Variants in TRDN observed in about 807,000 individuals in gnomAD.
TRDN encodes triadin, also known as triadin in skeletal muscle.
A neutral mutation model predicts 149.7 loss-of-function variants in TRDN; 161 were observed. The observed-to-expected ratio is 1.08, with a 90% CI of 0.95 to 1.23. The LOEUF is 1.23. TRDN is among the 50% of genes most tolerant of loss of function. The probability of loss-of-function intolerance (pLI) is 0.00; values close to 1 mark genes in which losing one functional copy is unlikely to be tolerated. For synonymous variants in TRDN, 294 were observed against 250.5 expected (o/e 1.17, Z -1.64); for missense variants, 896 against 823.5 (o/e 1.09, Z -1.08).
chr6:123,472,389 C>G (rs1251554305), intron 9 of TRDN, among the ~76,000 whole-genome samples: 2 of 152,194 alleles, frequency 1.3e-5, no homozygotes, highest in African/African-American at 4.8e-5. Flanking sequence ...TAAAAAACGG[C>G]GCACCACAAG....
At chr6:123,233,590 G>A (rs1775688133) in intron 38 of TRDN, among the ~76,000 whole-genome samples, 1 of 152,038 alleles carries the variant, frequency 6.6e-6, no homozygotes. Flanking sequence ...ATAATGAACA[G>A]TGACAAACGT....
At chr6:123,475,813 G>A (rs559739161) in intron 9 of TRDN, among the ~76,000 whole-genome samples, 8 of 151,666 alleles carry the variant, frequency 5.3e-5, no homozygotes, top group South Asian at 4.2e-4. Flanking sequence ...AAAACCACAT[G>A]ATTATCTCAA....
intron 1 of TRDN, among the ~76,000 whole-genome samples, chr6:123,599,979 T>C (rs150062037): frequency 3.8e-4 from 58 of 152,038 alleles, no homozygotes; most frequent in Non-Finnish European, 8.2e-4. Context: ...AATTGCCTGT[T>C]TATGTTTCCA....
chr6:123,592,425 C>CA lies in TRDN; in HGVS notation c.23-21294_23-21293insT, dbSNP rs199876306. 1.3e-3 allele frequency among the ~76,000 whole-genome samples: 202 copies of CA among 152,134 alleles called. 2 individuals carry two copies. The highest frequency in any genetic ancestry group is 4.6e-3 in the African/African-American group (192 of 41,512). ...TAAGAACCAATTTGATATTTACTGT[C>CA]GGGGGACTCAACCTTGTATTACTGC... is the stretch of plus-strand genomic sequence containing the variant. On this transcript the variant is annotated intron_variant, in intron 1 of 40. Coordinates refer to ENST00000334268, the MANE Select transcript of TRDN (RefSeq NM_006073.4).
chr6:123,410,139 C>T (rs914863024), intron 12 of TRDN, among the ~76,000 whole-genome samples: 23 of 152,038 alleles, frequency 1.5e-4, no homozygotes, highest in African/African-American at 3.9e-4. Flanking sequence ...TCAGACATGC[C>T]GTCAGTGAAA....
At chr6:123,219,368 G>A (rs1025550000) in intron 40 of TRDN, among the ~76,000 whole-genome samples, 1 of 151,810 alleles carries the variant, frequency 6.6e-6, no homozygotes, top group Admixed American at 6.6e-5. Context: ...CTCCCAGGTA[G>A]CAGCTTTGGT....
intron 1 of TRDN, among the ~76,000 whole-genome samples, chr6:123,587,129 G>A (rs1783535712): frequency 1.3e-5 from 2 of 151,984 alleles, no homozygotes; most frequent in South Asian, 4.1e-4. Flanking sequence ...AGGGGTTGGG[G>A]TACTTGCCCC....
intron 13 of TRDN, among the ~76,000 whole-genome samples, chr6:123,389,840 T>C (rs1398512098): frequency 6.6e-6 from 1 of 152,116 alleles, no homozygotes; most frequent in Non-Finnish European, 1.5e-5. Context: ...TCCAATGATA[T>C]AATAAGGATA....
At position 123,223,727 on chromosome 6, in the gene TRDN, T is replaced by TCCTC. The variant is rs1474030457; in HGVS notation, c.2014+365_2014+366insGAGG. 8.2e-5 allele frequency among the ~76,000 whole-genome samples: 12 copies of TCCTC among 147,052 alleles called. No homozygotes were observed. In the East Asian group the frequency reaches 2.0e-3, roughly 24 times the overall value. ...TTCCTTCCTTCCTTCCTTCCTTCCTTCCTTCCTGATGGTGCTGCTAATATA... is the reference window on the plus strand; with the variant it reads ...TTCCTTCCTTCCTTCCTTCCTTCCTTCCTCCCTTCCTGATGGTGCTGCTAATATA... On this transcript the variant is annotated intron_variant, in intron 39 of 40. Transcript: ENST00000334268.
intron 12 of TRDN, among the ~76,000 whole-genome samples, chr6:123,402,933 CTTTTAACACA>C (rs1773041908): frequency 6.6e-6 from 1 of 152,092 alleles, no homozygotes; most frequent in African/African-American, 2.4e-5. Context: ...TTAACTAAAG[CTTTTAACACA>C]TTTTAAGTTT....
chr6:123,606,334 T>A lies in TRDN; in HGVS notation c.22+30420A>T, dbSNP rs189492482. ...AAGTGCATAAATACATCTGACCAAA[T>A]ATAGACTTCTATTGAACAAGCATGG... On this transcript the variant is annotated intron_variant, in intron 1 of 40. Coordinates refer to ENST00000334268, the MANE Select transcript of TRDN (RefSeq NM_006073.4). 2.3e-3 allele frequency among the ~76,000 whole-genome samples: 353 copies of A among 152,188 alleles called. 2 individuals carry two copies. Among genetic ancestry groups the A allele is most frequent in the African/African-American group, 8.1e-3 (335 of 41,572 alleles).
chr6:123,566,882 G>A (rs976970343), intron 2 of TRDN, among the ~76,000 whole-genome samples: 2 of 152,068 alleles, frequency 1.3e-5, no homozygotes, highest in East Asian at 3.9e-4. Flanking sequence ...TCAAATATTT[G>A]TAAAGTTAAC....
At chr6:123,461,406 C>T (rs1776441088) in intron 10 of TRDN, among the ~76,000 whole-genome samples, 1 of 152,214 alleles carries the variant, frequency 6.6e-6, no homozygotes, top group East Asian at 1.9e-4. Context: ...TTTCTCTATT[C>T]GACTTCATTC....
chr6:123,553,992 A>G (rs539845283), intron 2 of TRDN, among the ~76,000 whole-genome samples: 1 of 152,300 alleles, frequency 6.6e-6, no homozygotes, highest in East Asian at 1.9e-4. Context: ...CAAACATACA[A>G]TGCTCCATAA....
intron 18 of TRDN, 150 bp from the exon 19 acceptor site, chr6:123,375,781 T>C (rs1358287740): frequency 1.2e-5 from 7 of 564,472 alleles, no homozygotes; most frequent in Middle Eastern, 4.8e-4. Context: ...AAGGAAAATA[T>C]AATACTGTGC....
At position 123,445,483 on chromosome 6, in the gene TRDN, T is replaced by C. The variant is rs932215834; in HGVS notation, c.932-6480A>G. 1.0e-4 allele frequency among the ~76,000 whole-genome samples: 12 copies of C among 118,026 alleles called. No homozygotes were observed. In the South Asian group the frequency reaches 2.2e-3, roughly 22 times the overall value. The allele number at this position is 118,026 out of a possible 152,430, so 77.4% of individuals were successfully genotyped here. A position where few individuals can be genotyped will look rare whatever the true frequency, so the allele number is the denominator to read the frequency against. On this transcript the variant is annotated intron_variant, in intron 10 of 40. Transcript: ENST00000334268. ...ATGGGAGAAAATTTTCGCAACCTAC[T>C]CATCTGACAAAGGGCTAATATCCAG...
chr6:123,407,754 TA>T (rs1007345120), intron 12 of TRDN, among the ~76,000 whole-genome samples: 64 of 152,282 alleles, frequency 4.2e-4, no homozygotes, highest in Middle Eastern at 6.8e-3. Flanking sequence ...AGCATGGCAA[TA>T]TTTTTTTTTG....
intron 1 of TRDN, among the ~76,000 whole-genome samples, chr6:123,624,906 A>G (rs1333722654): frequency 6.6e-6 from 1 of 152,156 alleles, no homozygotes; most frequent in Non-Finnish European, 1.5e-5. Context: ...CAGAAACATG[A>G]AACATCCAGC....
At chr6:123,346,356 A>G (rs1387148404) in intron 21 of TRDN, among the ~76,000 whole-genome samples, 1 of 152,004 alleles carries the variant, frequency 6.6e-6, no homozygotes, top group Admixed American at 6.6e-5. Flanking sequence ...GTCAAACTAG[A>G]CTTGCATATC....
Sources: allele counts gnomAD v4.1 joint callset (sites outside exome capture counted in the v4.1 genomes callset), GRCh38; gene constraint gnomAD v4.1.1; transcripts MANE v1.5; gene names NCBI Gene and HGNC (gene_info 2026-07-23, HGNC 2026-07-21).